Variants in CTNNA3 observed in about 807,000 individuals in gnomAD.
CTNNA3 encodes catenin alpha-3.
Under a neutral mutation model 95.7 loss-of-function variants are expected in CTNNA3, and 76 were observed. That is an observed-to-expected ratio of 0.79 (90% CI 0.66 to 0.96). The LOEUF is 0.96. CTNNA3 is among the 40% of genes least tolerant of loss of function. The probability of loss-of-function intolerance (pLI) is 0.00; values close to 1 mark genes in which losing one functional copy is unlikely to be tolerated. For missense variants in CTNNA3, 1,191 were observed against 1,089.8 expected (o/e 1.09, Z -1.31); for synonymous variants, 431 against 374.4 (o/e 1.15, Z -1.74).
rs370781174 is a variant in CTNNA3 at position 66,362,607 on chromosome 10, G to C, written c.1732+16545C>G. On this transcript the variant is annotated intron_variant, in intron 12 of 17. Coordinates refer to ENST00000433211, the MANE Select transcript of CTNNA3 (RefSeq NM_013266.4). Reference sequence around the variant, plus strand: ...GTATGCCAGTAGTCCCAGATACTCGGGAGGTTGAAGTGGGAGAATCACTTG... The same window carrying C: ...GTATGCCAGTAGTCCCAGATACTCGCGAGGTTGAAGTGGGAGAATCACTTG... Among the ~76,000 whole-genome samples, 72 of 151,988 alleles carry C rather than the reference G, an allele frequency of 4.7e-4. No individual in the cohort carries two copies. In the East Asian group the frequency reaches 5.5e-3, roughly 12 times the overall value.
intron 5 of CTNNA3, among the ~76,000 whole-genome samples, chr10:67,293,914 C>T (rs1329258721): frequency 1.3e-5 from 2 of 152,040 alleles, no homozygotes; most frequent in Non-Finnish European, 2.9e-5. Flanking sequence ...TCCAGTCTCT[C>T]ACTGTTGGAC....
chr10:67,520,275 A>G lies in CTNNA3; in HGVS notation c.579+1567T>C, dbSNP rs16924563. ...TTCTTTATGCACATATAATTTACCC[A>G]TCTATCCTCAATGCCATTCTCCCAG... On this transcript the variant is annotated intron_variant, in intron 5 of 17. Transcript: ENST00000433211. Among the ~76,000 whole-genome samples the G allele has an allele frequency of 0.029, 4,443 of 152,220 alleles. 448 individuals carry two copies. In the East Asian group the frequency reaches 0.36, roughly 12 times the overall value.
chr10:67,083,405 A>C (rs1487301983), intron 7 of CTNNA3, among the ~76,000 whole-genome samples: 1 of 152,114 alleles, frequency 6.6e-6, no homozygotes, highest in East Asian at 1.9e-4. Flanking sequence ...AGTGCAAAAA[A>C]AAAAAGTATA....
Position 67,278,584 on chromosome 10 carries a change from G to A in CTNNA3, c.580-58714C>T, listed in dbSNP as rs116887176. On this transcript the variant is annotated intron_variant, in intron 5 of 17. Coordinates refer to ENST00000433211, the MANE Select transcript of CTNNA3 (RefSeq NM_013266.4). Reference sequence around the variant, plus strand: ...GGAGACCAAGTTTTATTGTGCAGAGGACTCTCTCAGATAGCAGACTTCAGA... The same window carrying A: ...GGAGACCAAGTTTTATTGTGCAGAGAACTCTCTCAGATAGCAGACTTCAGA... 0.018 allele frequency among the ~76,000 whole-genome samples: 2,781 copies of A among 152,154 alleles called. 230 individuals carry two copies. In the East Asian group the frequency reaches 0.25, roughly 14 times the overall value.
chr10:66,968,412 G>T (rs1390197399), intron 7 of CTNNA3, among the ~76,000 whole-genome samples: 1 of 143,478 alleles, frequency 7.0e-6, no homozygotes, highest in South Asian at 2.1e-4. Context: ...TTAAGGGAAA[G>T]AAATTAAAAA....
chr10:66,722,150 G>A (rs1055348806), intron 9 of CTNNA3, among the ~76,000 whole-genome samples: 1 of 152,056 alleles, frequency 6.6e-6, no homozygotes, highest in African/African-American at 2.4e-5. Flanking sequence ...AGGCTGAGGC[G>A]GGTGGATCAC....
At chr10:67,674,002 G>T (rs1284222294) in intron 1 of CTNNA3, among the ~76,000 whole-genome samples, 2 of 151,738 alleles carry the variant, frequency 1.3e-5, no homozygotes, top group Non-Finnish European at 2.9e-5. Context: ...AGACAATGCT[G>T]TAATAAACAT....
At chr10:67,513,377 A>C (rs1348217326) in intron 5 of CTNNA3, among the ~76,000 whole-genome samples, 1 of 152,222 alleles carries the variant, frequency 6.6e-6, no homozygotes, top group Admixed American at 6.5e-5. Flanking sequence ...TTTGTTGTAC[A>C]TTTCTGTGAA....
chr10:66,963,291 C>T (rs763761685), intron 7 of CTNNA3, among the ~76,000 whole-genome samples: 21 of 152,152 alleles, frequency 1.4e-4, no homozygotes, highest in Admixed American at 3.3e-4. Context: ...TTGAACTCCA[C>T]CTCTGCAACT....
intron 5 of CTNNA3, among the ~76,000 whole-genome samples, chr10:67,425,352 G>C (rs1484382363): frequency 6.6e-6 from 1 of 152,072 alleles, no homozygotes; most frequent in Non-Finnish European, 1.5e-5. Flanking sequence ...ACACAAAAGA[G>C]CTGCTGGAGC....
chr10:66,421,783 C>T (rs1448677297), intron 11 of CTNNA3, among the ~76,000 whole-genome samples: 6 of 143,904 alleles, frequency 4.2e-5, no homozygotes, highest in Admixed American at 7.2e-5. Context: ...TGCAGTGAGC[C>T]GAGACTGTGC....
At chr10:67,586,048 A>AT (rs1842613736) in intron 3 of CTNNA3, among the ~76,000 whole-genome samples, 1 of 152,088 alleles carries the variant, frequency 6.6e-6, no homozygotes, top group Admixed American at 6.6e-5. Flanking sequence ...TTTCAAAAAA[A>AT]TTTTTATTTC....
intron 7 of CTNNA3, among the ~76,000 whole-genome samples, chr10:66,973,103 T>G (rs1849818666): frequency 6.6e-6 from 1 of 152,200 alleles, no homozygotes; most frequent in Non-Finnish European, 1.5e-5. Flanking sequence ...TTCTCAGCCT[T>G]TTGGCTAAGA....
chr10:66,069,342 A>C lies in CTNNA3; in HGVS notation c.2125T>G (p.Cys709Gly), dbSNP rs764029257. 10 of 1,613,450 alleles carry C rather than the reference A, an allele frequency of 6.2e-6. No individual in the cohort carries two copies. The highest frequency in any genetic ancestry group is 6.8e-6 in the Non-Finnish European group (8 of 1,179,664). Residue 709 changes from cysteine to glycine, a missense_variant, in exon 15 of 18, where the codon TGT (cysteine) becomes GGT (glycine). Cys to Gly is a radical substitution (Grantham distance 159). Transcript: ENST00000433211. ...NDIIVLAKNM[C>G]MIMMEMTDFT... ...TCTGTCATCTCCATCATGATCATAC[A>C]CATGTTCTTGGCCAGAACAATGATG...
At chr10:66,081,006 G>A (rs1156793051) in intron 14 of CTNNA3, among the ~76,000 whole-genome samples, 1 of 152,156 alleles carries the variant, frequency 6.6e-6, no homozygotes, top group Non-Finnish European at 1.5e-5. Context: ...AATTTACAAT[G>A]GGAAGTTCTC....
intron 13 of CTNNA3, among the ~76,000 whole-genome samples, chr10:66,205,129 AT>A (rs577949647): frequency 6.6e-6 from 1 of 151,706 alleles, no homozygotes; most frequent in Non-Finnish European, 1.5e-5. Flanking sequence ...ATTAAGCTTG[AT>A]TTTTTTTCCA....
chr10:66,995,583 TTA>T (rs1851282339), intron 7 of CTNNA3, among the ~76,000 whole-genome samples: 1 of 152,202 alleles, frequency 6.6e-6, no homozygotes, highest in African/African-American at 2.4e-5. Context: ...TTACAAATCC[TTA>T]ACATTATTCC....
chr10:66,815,675 A>C (rs912905729), intron 7 of CTNNA3, among the ~76,000 whole-genome samples: 21 of 152,202 alleles, frequency 1.4e-4, no homozygotes, highest in African/African-American at 5.1e-4. Flanking sequence ...CAATCCAAAA[A>C]GCTTGTAAAT....
intron 9 of CTNNA3, among the ~76,000 whole-genome samples, chr10:66,672,073 T>C (rs1846680072): frequency 6.6e-6 from 1 of 152,142 alleles, no homozygotes; most frequent in Non-Finnish European, 1.5e-5. Context: ...AGAACTGACC[T>C]GTAGTCAAGT....
Sources: allele counts gnomAD v4.1 joint callset (sites outside exome capture counted in the v4.1 genomes callset), GRCh38; gene constraint gnomAD v4.1.1; transcripts MANE v1.5; gene names NCBI Gene and HGNC (gene_info 2026-07-23, HGNC 2026-07-21).